Variants in MED13L observed in about 807,000 individuals in gnomAD.
The protein encoded by MED13L is mediator of RNA polymerase II transcription subunit 13-like.
In MED13L, 7 loss-of-function variants were observed where a neutral mutation model predicts 220.9. The observed-to-expected ratio is 0.03, with a 90% CI of 0.02 to 0.06. The LOEUF is 0.06. Ranked by LOEUF, MED13L falls within the 10% of genes least tolerant of loss-of-function variation. MED13L has a pLI of 1.00. For missense variants in MED13L, 1,965 were observed against 2,760.5 expected, an observed-to-expected ratio of 0.71 and a Z score of 6.46; for synonymous variants, 1,011 against 1,015.2, an observed-to-expected ratio of 1.00 and a Z score of 0.08.
intron 2 of MED13L, among the ~76,000 whole-genome samples, chr12:116,181,884 A>AT (rs1485454583): frequency 1.3e-5 from 2 of 152,212 alleles, no homozygotes; most frequent in African/African-American, 4.8e-5. Context: ...TCAAACTATG[A>AT]TTTTGTTTAA....
intron 2 of MED13L, among the ~76,000 whole-genome samples, chr12:116,235,680 C>G (rs2138450770): frequency 6.6e-6 from 1 of 152,278 alleles, no homozygotes; most frequent in South Asian, 2.1e-4. Flanking sequence ...TTTAAATGCC[C>G]TACTCCTTTT....
In MED13L at chr12:116,266,652, C is replaced by A. The variant is rs188783678; in HGVS notation, c.72+10408G>T. On this transcript the variant is annotated intron_variant, in intron 1 of 30. Transcript: ENST00000281928. ...GTTTTATAATAGACCTAATTAAGTACAATATACAAGGTAAATAGGCTAACC... is the reference window on the plus strand; with the variant it reads ...GTTTTATAATAGACCTAATTAAGTAAAATATACAAGGTAAATAGGCTAACC... Among the ~76,000 whole-genome samples, 3 of 152,266 alleles carry A rather than the reference C, an allele frequency of 2.0e-5. No individual in the cohort carries two copies. In the East Asian group the frequency reaches 5.8e-4, roughly 29 times the overall value.
chr12:116,012,763 G>A (rs147331725), intron 9 of MED13L, 34 bp downstream of exon 9: 13 of 1,423,462 alleles, frequency 9.1e-6, no homozygotes, highest in Middle Eastern at 1.8e-4. Context: ...GCCATCATTC[G>A]ATCCATTACT....
At chr12:116,163,898 G>A (rs1879062736) in intron 2 of MED13L, among the ~76,000 whole-genome samples, 1 of 152,082 alleles carries the variant, frequency 6.6e-6, no homozygotes, top group Non-Finnish European at 1.5e-5. Context: ...ATACTTCAAT[G>A]CCATAATATC....
At chr12:116,121,261 C>T (rs559747351) in intron 2 of MED13L, among the ~76,000 whole-genome samples, 1 of 152,144 alleles carries the variant, frequency 6.6e-6, no homozygotes, top group East Asian at 1.9e-4. Flanking sequence ...CTGCTTAGTG[C>T]CCAAATAATT....
chr12:116,029,429 C>A (rs183639403), intron 4 of MED13L, among the ~76,000 whole-genome samples: 354 of 152,008 alleles, frequency 2.3e-3, no homozygotes, highest in Non-Finnish European at 4.3e-3. Context: ...ATGAAAAAAA[C>A]TAGTGTAATT....
At chr12:116,260,415 C>CA (rs1385218789) in intron 1 of MED13L, among the ~76,000 whole-genome samples, 5 of 152,112 alleles carry the variant, frequency 3.3e-5, no homozygotes. Context: ...GTCAGGGTTG[C>CA]ACTCCTGAAC....
chr12:116,004,677 A>G (rs925271801), intron 13 of MED13L, among the ~76,000 whole-genome samples: 2 of 148,534 alleles, frequency 1.3e-5, no homozygotes, highest in African/African-American at 5.0e-5. Context: ...GGCTCATTCC[A>G]CACTTAAACT....
At chr12:116,108,955 G>C (rs1873837417) in intron 3 of MED13L, among the ~76,000 whole-genome samples, 1 of 151,260 alleles carries the variant, frequency 6.6e-6, no homozygotes, top group Non-Finnish European at 1.5e-5. Flanking sequence ...CTAAGGCTTA[G>C]TGAGATTAGG....
chr12:116,049,810 C>A (rs764753272), intron 4 of MED13L, among the ~76,000 whole-genome samples: 38 of 152,084 alleles, frequency 2.5e-4, no homozygotes, highest in African/African-American at 5.6e-4. Context: ...CATCTGAGGA[C>A]TACAATTCTA....
rs377275459 is a variant in MED13L, at chr12:115,991,789, C to T, written c.3165G>A (p.Arg1055=). 36 of 1,613,584 alleles carry T rather than the reference C, an allele frequency of 2.2e-5. No homozygotes were observed. The highest frequency in any genetic ancestry group is 1.2e-4 in the Admixed American group (7 of 59,966). ...CCCCACCTCTGGGAGTTCTTGGGGT[C>T]CTGGGGGTTCGTGGTGTGGGGACAG... ...RFSVPTPRTP[R]TPRTPRGGGT... Residue 1055 remains arginine, a synonymous_variant, in exon 17 of 31, where the codon AGG becomes AGA. Transcript: ENST00000281928. This position sits in a 1 kb window ranked among gnomAD's most constrained non-coding sequence, Gnocchi z 7.7.
intron 2 of MED13L, among the ~76,000 whole-genome samples, chr12:116,178,390 G>A (rs1476495285): frequency 6.6e-6 from 1 of 152,110 alleles, no homozygotes; most frequent in Non-Finnish European, 1.5e-5. Flanking sequence ...AGGACTTGCG[G>A]AGCAAACTCT....
At chr12:115,963,569 G>T in intron 29 of MED13L, 50 bp from the exon 30 acceptor site, 1 of 1,370,526 alleles carries the variant, frequency 7.3e-7, no homozygotes, top group Non-Finnish European at 1.0e-6. Context: ...CAATCACAGT[G>T]CAGAAGTGAG....
chr12:116,172,535 G>C (rs774955112), intron 2 of MED13L, among the ~76,000 whole-genome samples: 2 of 152,140 alleles, frequency 1.3e-5, no homozygotes, highest in African/African-American at 4.8e-5. Flanking sequence ...TACAGTTTAA[G>C]TCTCTTTCTA....
intron 2 of MED13L, among the ~76,000 whole-genome samples, chr12:116,203,995 C>T (rs983711898): frequency 3.3e-5 from 5 of 152,140 alleles, no homozygotes; most frequent in African/African-American, 1.2e-4. Flanking sequence ...AAGAAAATTA[C>T]ATGTCGTAAT....
chr12:116,277,222 A>T lies in MED13L; in HGVS notation c.-91T>A. 1 of 697,438 alleles carries T rather than the reference A, an allele frequency of 1.4e-6. No homozygotes were observed. The highest frequency in any genetic ancestry group is 1.7e-6 in the Non-Finnish European group (1 of 572,396). 43.2% of individuals were successfully genotyped at this position (697,438 alleles called of 1,614,324 possible). On this transcript the variant is annotated 5_prime_UTR_variant, in exon 1 of 31. Transcript: ENST00000281928. Reference sequence around the variant, plus strand: ...GCCGGGCGGCGGCGCCTCGCCGGGGAGCGCGGGGCGGCCGGGCCGCCGCCG... The same window carrying T: ...GCCGGGCGGCGGCGCCTCGCCGGGGTGCGCGGGGCGGCCGGGCCGCCGCCG...
intron 2 of MED13L, among the ~76,000 whole-genome samples, chr12:116,128,140 AC>A (rs1475158268): frequency 1.1e-4 from 16 of 152,162 alleles, no homozygotes; most frequent in African/African-American, 3.1e-4. Context: ...TTCATTTACT[AC>A]TTGTCTTCTC....
At chr12:116,061,425 T>C (rs778855734) in intron 4 of MED13L, among the ~76,000 whole-genome samples, 2 of 152,200 alleles carry the variant, frequency 1.3e-5, no homozygotes, top group Non-Finnish European at 2.9e-5. Context: ...TGAGTTTACA[T>C]CTTACCTATT....
At chr12:116,021,306 T>C (rs1880047739) in intron 5 of MED13L, among the ~76,000 whole-genome samples, 1 of 152,208 alleles carries the variant, frequency 6.6e-6, no homozygotes, top group South Asian at 2.1e-4. Context: ...CCCTCATGAC[T>C]ACTTATTCCT....
Sources: allele counts gnomAD v4.1 joint callset (sites outside exome capture counted in the v4.1 genomes callset), GRCh38; gene constraint gnomAD v4.1.1; non-coding constraint Gnocchi (gnomAD v3.1); transcripts MANE v1.5; gene names NCBI Gene and HGNC (gene_info 2026-07-23, HGNC 2026-07-21).